Variants in CNIH3 observed in about 807,000 individuals in gnomAD.
The protein encoded by CNIH3 is cornichon family AMPA receptor auxiliary protein 3.
In CNIH3, 14 loss-of-function variants were observed where a neutral mutation model predicts 24.1. That is an observed-to-expected ratio of 0.58 (90% CI 0.38 to 0.91). CNIH3 has a LOEUF of 0.91. Ranked by LOEUF, CNIH3 falls within the 40% of genes least tolerant of loss-of-function variation. The pLI is 0.00. For missense variants in CNIH3, 178 were observed against 196.8 expected, an observed-to-expected ratio of 0.90 and a Z score of 0.57; for synonymous variants, 68 against 73.8, an observed-to-expected ratio of 0.92 and a Z score of 0.40.
intron 2 of CNIH3, among the ~76,000 whole-genome samples, chr1:224,522,477 A>T (rs1678676304): frequency 6.6e-6 from 1 of 152,236 alleles, no homozygotes; most frequent in African/African-American, 2.4e-5. Flanking sequence ...TGAAAGCCCA[A>T]GCCACAGGTG....
intron 3 of CNIH3, among the ~76,000 whole-genome samples, chr1:224,596,051 A>G (rs1358898367): frequency 6.6e-6 from 1 of 152,248 alleles, no homozygotes; most frequent in Non-Finnish European, 1.5e-5. Context: ...AGCTAAGATC[A>G]TTGATGAAGG....
chr1:224,715,066 CT>C (rs1234504157), intron 3 of CNIH3, among the ~76,000 whole-genome samples: 1 of 152,226 alleles, frequency 6.6e-6, no homozygotes, highest in Admixed American at 6.5e-5. Context: ...TCACACGCGT[CT>C]CCCTAGTTCC....
chr1:224,462,965 A>G (rs1212952390), intron 1 of CNIH3, among the ~76,000 whole-genome samples: 1 of 138,430 alleles, frequency 7.2e-6, no homozygotes, highest in Non-Finnish European at 1.5e-5. Flanking sequence ...CAGTGGCACA[A>G]TCTTGGCTCA....
At chr1:224,512,286 T>C (rs969205976), upstream of CNIH3, among the ~76,000 whole-genome samples, 12 of 151,890 alleles carry the variant, frequency 7.9e-5, no homozygotes, top group East Asian at 3.9e-4. Flanking sequence ...AATTTGAGAC[T>C]AGCCTGGGCA....
rs140917365 is a variant in CNIH3, at chr1:224,684,486, G to A, written c.151-310G>A. ...ATTCAGCAGTTTGACCACCTTATACGTACATGGAGGCTGAGAGAGACTTTG... is the reference window on the plus strand; with the variant it reads ...ATTCAGCAGTTTGACCACCTTATACATACATGGAGGCTGAGAGAGACTTTG... On this transcript the variant is annotated intron_variant, in intron 2 of 5. Coordinates refer to ENST00000272133, the MANE Select transcript of CNIH3 (RefSeq NM_152495.2). The surrounding 1 kb of genome is among the most constrained non-coding windows in gnomAD (Gnocchi z 4.2). 9.2e-5 allele frequency among the ~76,000 whole-genome samples: 14 copies of A among 152,320 alleles called. No individual in the cohort carries two copies. The highest frequency in any genetic ancestry group is 6.2e-4 in the South Asian group (3 of 4,828).
intron 3 of CNIH3, among the ~76,000 whole-genome samples, chr1:224,685,999 C>T (rs1199385641): frequency 1.3e-5 from 2 of 151,906 alleles, no homozygotes; most frequent in African/African-American, 2.4e-5. Context: ...TAACCTGCTC[C>T]AGCCAGTACT....
At chr1:224,601,209 C>A (rs960805130) in intron 3 of CNIH3, among the ~76,000 whole-genome samples, 2 of 152,190 alleles carry the variant, frequency 1.3e-5, no homozygotes, top group African/African-American at 2.4e-5. Flanking sequence ...GGGGTTGCAT[C>A]CCTTCTCCCC....
chr1:224,435,474 T>C (rs1451381396), intron 1 of CNIH3, among the ~76,000 whole-genome samples: 2 of 152,138 alleles, frequency 1.3e-5, no homozygotes, highest in East Asian at 1.9e-4. Flanking sequence ...ACAAAAAGGC[T>C]GTGTGGTGTG....
At chr1:224,548,564 A>G (rs1300746255) in intron 3 of CNIH3, among the ~76,000 whole-genome samples, 3 of 151,970 alleles carry the variant, frequency 2.0e-5, no homozygotes, top group Non-Finnish European at 4.4e-5. Context: ...ATCCTGTGAT[A>G]TTATTCATTA....
At chr1:224,438,431 A>G (rs1377003568) in intron 1 of CNIH3, among the ~76,000 whole-genome samples, 1 of 152,220 alleles carries the variant, frequency 6.6e-6, no homozygotes, top group Non-Finnish European at 1.5e-5. Flanking sequence ...AAATGTTTAT[A>G]ATAAAACATA....
downstream of CNIH3, chr1:224,588,631 C>T (rs1681612084): frequency 6.6e-6 from 1 of 152,014 alleles, no homozygotes; most frequent in Admixed American, 6.5e-5. Context: ...CATTTAAACT[C>T]CCATAGTGTA....
At chr1:224,729,216 A>G (rs533622999) in intron 3 of CNIH3, among the ~76,000 whole-genome samples, 4 of 152,072 alleles carry the variant, frequency 2.6e-5, no homozygotes, top group East Asian at 3.9e-4. Context: ...TTCAAGACCA[A>G]TCTAGCCAAC....
intron 3 of CNIH3, among the ~76,000 whole-genome samples, chr1:224,599,197 C>T (rs1261526533): frequency 1.3e-5 from 2 of 152,148 alleles, no homozygotes; most frequent in East Asian, 3.8e-4. Context: ...GAAATGGGCT[C>T]AGCTGGGCAC....
At chr1:224,445,993 G>A (rs142873485) in intron 1 of CNIH3, among the ~76,000 whole-genome samples, 137 of 152,280 alleles carry the variant, frequency 9.0e-4, no homozygotes, top group African/African-American at 3.2e-3. Flanking sequence ...CCACACCACA[G>A]GGTAAAGAAA....
rs187705739 is a variant in CNIH3, at chr1:224,734,365, G to T, written c.312-198G>T. On this transcript the variant is annotated intron_variant, in intron 4 of 5. Transcript: ENST00000272133. ...AAATTGCCATGATGCCAGTGGATTG[G>T]AGTATTTGGGGATTTACTACCTGCT... Among the ~76,000 whole-genome samples the T allele has an allele frequency of 8.3e-4, 126 of 152,302 alleles. 1 individual carries two copies. Among genetic ancestry groups the T allele is most frequent in the Admixed American group, 7.8e-4 (12 of 15,304 alleles).
At chr1:224,729,836 G>GGATCAGTGT (rs1425912549) in intron 3 of CNIH3, among the ~76,000 whole-genome samples, 1 of 152,094 alleles carries the variant, frequency 6.6e-6, no homozygotes, top group Non-Finnish European at 1.5e-5. Flanking sequence ...TTCTTGGTCA[G>GGATCAGTGT]GATCAGTTTC....
chr1:224,731,290 A>AT (rs2125242599), intron 4 of CNIH3, among the ~76,000 whole-genome samples: 1 of 152,220 alleles, frequency 6.6e-6, no homozygotes, highest in African/African-American at 2.4e-5. Flanking sequence ...TAAAAAAAAA[A>AT]GCACCTACCA....
chr1:224,642,230 A>G (rs1225137517), intron 1 of CNIH3, among the ~76,000 whole-genome samples: 1 of 151,938 alleles, frequency 6.6e-6, no homozygotes, highest in Non-Finnish European at 1.5e-5. Context: ...TATTATGCAG[A>G]TACTGTTTTT....
chr1:224,558,897 A>G (rs981000004), intron 3 of CNIH3, among the ~76,000 whole-genome samples: 11 of 152,238 alleles, frequency 7.2e-5, no homozygotes, highest in Non-Finnish European at 1.6e-4. Flanking sequence ...TCAGTTAATT[A>G]TATTGCTGTG....
Sources: allele counts gnomAD v4.1 joint callset (sites outside exome capture counted in the v4.1 genomes callset), GRCh38; gene constraint gnomAD v4.1.1; non-coding constraint Gnocchi (gnomAD v3.1); transcripts MANE v1.5; gene names NCBI Gene and HGNC (gene_info 2026-07-23, HGNC 2026-07-21).